KIF7: variants seen among roughly 807,000 people sequenced by gnomAD.
The protein encoded by KIF7 is kinesin-like protein KIF7.
In KIF7, 104 loss-of-function variants were observed where a neutral mutation model predicts 135.7. The observed-to-expected ratio is 0.77, with a 90% CI of 0.65 to 0.90. The LOEUF (loss-of-function observed/expected upper bound fraction) is 0.90. Among genes scored for constraint, KIF7 ranks in the 40% least tolerant of loss-of-function variants. The pLI is 0.00. For synonymous variants in KIF7, 883 were observed against 809.4 expected (o/e 1.09, Z -1.54); for missense variants, 2,005 against 1,839.1 (o/e 1.09, Z -1.65).
At chr15:89,625,599 T>C (rs2141986298), downstream of KIF7, 2 of 1,613,136 alleles carry the variant, frequency 1.2e-6, no homozygotes, top group Non-Finnish European at 8.5e-7. Flanking sequence ...AGGAAGCCTC[T>C]TCCTGGGGAC....
In KIF7 at chr15:89,649,164, C is replaced by G. The variant is rs1212811357; in HGVS notation, c.733G>C (p.Val245Leu). Reference protein sequence around the residue: ...LPRPAPGQLLVSKFHFVDLAG... With the variant: ...LPRPAPGQLLLSKFHFVDLAG... ...AGGTCCACGAAGTGGAACTTGGAGA[C>G]GAGCAGCTGGCCCGGGGCGGGGCGG... Residue 245 changes from valine (V) to leucine (L), a missense_variant, in exon 4 of 19, where the codon GTC becomes CTC. By Grantham distance (32) the Val-to-Leu change is conservative (BLOSUM62 1). Transcript: ENST00000394412. 7 of 1,548,140 alleles carry G rather than the reference C, an allele frequency of 4.5e-6. No homozygotes were observed. The highest frequency in any genetic ancestry group is 1.2e-5 in the South Asian group (1 of 84,040).
chr15:89,640,414 A>G (rs1963897214), intron 11 of KIF7, among the ~76,000 whole-genome samples: 1 of 152,214 alleles, frequency 6.6e-6, no homozygotes. Context: ...TAATGAGCCT[A>G]CAAAAAGTGT....
In KIF7 at chr15:89,642,395, A is replaced by C. The variant is rs1195634938; in HGVS notation, c.2202T>G (p.Ala734=). The C allele has an allele frequency of 6.2e-7, 1 of 1,600,790 alleles. No homozygotes were observed. Among genetic ancestry groups the C allele is most frequent in the Admixed American group, 1.7e-5 (1 of 58,834 alleles). Residue 734 remains alanine, a synonymous_variant, in exon 11 of 19, where the codon GCT becomes GCG. Transcript: ENST00000394412. ...IGELVRTGKA[A]QALNRQHSQR... Reference sequence around the variant, plus strand: ...GGCTGTGCTGGCGGTTCAGGGCCTGAGCTGCCTTTCCTGGAAGAAAGCGGG... The same window carrying C: ...GGCTGTGCTGGCGGTTCAGGGCCTGCGCTGCCTTTCCTGGAAGAAAGCGGG...
At chr15:89,622,088 C>T (rs1179014781) in intron 1 of KIF7, among the ~76,000 whole-genome samples, 1 of 146,148 alleles carries the variant, frequency 6.8e-6, no homozygotes, top group Non-Finnish European at 1.5e-5. Context: ...CCAGTTCAAG[C>T]GATTCTCCTG....
Position 89,633,011 on chromosome 15 carries a change from G to GGAGGGAGA in KIF7, c.2719-16_2719-15insTCTCCCTC, listed in dbSNP as rs1555423479. 1 of 1,489,988 alleles carries GGAGGGAGA rather than the reference G, an allele frequency of 6.7e-7. No individual in the cohort carries two copies. The highest frequency in any genetic ancestry group is 1.4e-5 in the African/African-American group (1 of 72,682). The allele number at this position is 1,489,988 out of a possible 1,614,324, so 92.3% of individuals were successfully genotyped here. On this transcript the variant is annotated splice_polypyrimidine_tract_variant and intron_variant, in intron 13 of 18. Transcript: ENST00000394412. ...TCCTCAATCTTCTAAGGAAAAGTAG[G>GGAGGGAGA]GAGGGAGGGAGGGAACTCAGGGCCC...
downstream of KIF7, chr15:89,623,868 C>T (rs562432045): frequency 2.9e-5 from 46 of 1,613,902 alleles, no homozygotes; most frequent in African/African-American, 4.9e-4. Context: ...GAGAAGGTAC[C>T]TCTCTTGAAA....
chr15:89,631,176 G>A, intron 15 of KIF7: 1 of 375,334 alleles, frequency 2.7e-6, no homozygotes, highest in Non-Finnish European at 5.0e-6. Flanking sequence ...CACTGAGTAT[G>A]CGCCTGACAC....
intron 17 of KIF7, 94 bp downstream of exon 17, chr15:89,629,281 C>A: frequency 1.5e-6 from 1 of 680,234 alleles, no homozygotes; most frequent in Non-Finnish European, 1.8e-6. Context: ...GTGGCAGGGG[C>A]GGTGGGGGGA....
At chr15:89,644,557 C>T (rs186598958) in intron 10 of KIF7, among the ~76,000 whole-genome samples, 1,630 of 151,072 alleles carry the variant, frequency 0.011, 38 homozygotes, top group African/African-American at 0.038. Context: ...TGGTGGCGGG[C>T]GCCTGTAATC....
chr15:89,648,575 G>A lies in KIF7; in HGVS notation c.1123C>T (p.Pro375Ser), dbSNP rs1300335031. ...PEETASGARGPPRHRSETRII... is the reference protein window; with the variant it reads ...PEETASGARGSPRHRSETRII... ...CGGGTCTCGGAGCGGTGCCGTGGCG[G>A]ACCCCGCGCGCCGCTCGCCGTCTCT... The change falls in exon 5 of 19, where the codon CCG (proline) becomes TCG (serine). Residue 375 changes from proline to serine, a missense_variant. Pro to Ser is a moderately conservative substitution (Grantham distance 74). Coordinates refer to ENST00000394412, the MANE Select transcript of KIF7 (RefSeq NM_198525.3). The A allele has an allele frequency of 6.7e-6, 10 of 1,494,586 alleles. No homozygotes were observed. Among genetic ancestry groups the A allele is most frequent in the Middle Eastern group, 1.8e-4 (1 of 5,420 alleles). 92.6% of individuals were successfully genotyped at this position (1,494,586 alleles called of 1,614,324 possible). A position where few individuals can be genotyped will look rare whatever the true frequency, so the allele number is the denominator to read the frequency against.
intron 16 of KIF7, chr15:89,630,066 G>C: frequency 1.7e-6 from 1 of 600,538 alleles, no homozygotes; most frequent in Non-Finnish European, 3.0e-6. Context: ...ACCACCCTGA[G>C]GTTAGCCAAT....
Position 89,649,016 on chromosome 15 carries a change from C to G in KIF7, c.881G>C (p.Arg294Pro). 3 of 1,547,624 alleles carry G rather than the reference C, an allele frequency of 1.9e-6. No homozygotes were observed. The highest frequency in any genetic ancestry group is 2.6e-6 in the Non-Finnish European group (3 of 1,146,442). ...GCGGTAGGGTATGTGGCTGCCCCGG[C>G]GCTGAGGGTCCCCCAGGGCGCTGAT... Reference protein sequence around the residue: ...NVISALGDPQRRGSHIPYRDS... With the variant: ...NVISALGDPQPRGSHIPYRDS... The change falls in exon 4 of 19, where the codon CGC becomes CCC. Residue 294 changes from arginine to proline, a missense_variant. Coordinates refer to ENST00000394412, the MANE Select transcript of KIF7 (RefSeq NM_198525.3).
At chr15:89,630,216 C>G (rs977333722) in intron 16 of KIF7, 71 bp downstream of exon 16, 2 of 1,410,440 alleles carry the variant, frequency 1.4e-6, no homozygotes, top group East Asian at 2.3e-5. Flanking sequence ...TCCGCTGGAG[C>G]AGCTGCCATG....
intron 10 of KIF7, 87 bp downstream of exon 10, chr15:89,644,926 C>T: frequency 6.4e-7 from 1 of 1,551,352 alleles, no homozygotes; most frequent in African/African-American, 1.4e-5. Context: ...CTAACCACCT[C>T]ATTGTTGAAA....
At position 89,621,966 on chromosome 15, in the gene KIF7, T is replaced by G. The variant is rs189495799; in HGVS notation, c.181-3771A>C. 1.7e-4 allele frequency among the ~76,000 whole-genome samples: 25 copies of G among 151,334 alleles called. No individual in the cohort carries two copies. In the East Asian group the frequency reaches 4.5e-3, roughly 27 times the overall value. Reference sequence around the variant, plus strand: ...CCAATCAGTCGAGTCCTGCCCATTTTATTTACAAACTGACTCTTTTTTTTT... The same window carrying G: ...CCAATCAGTCGAGTCCTGCCCATTTGATTTACAAACTGACTCTTTTTTTTT... On this transcript the variant is annotated intron_variant and NMD_transcript_variant, in intron 1 of 2. Transcript: ENST00000558928.
intron 15 of KIF7, chr15:89,630,785 A>AGCCACGGAGGC (rs2141996676): frequency 2.0e-6 from 1 of 507,150 alleles, no homozygotes; most frequent in South Asian, 2.0e-5. Context: ...TGGTTGGGAC[A>AGCCACGGAGGC]GCCACGGAGG....
downstream of KIF7, among the ~76,000 whole-genome samples, chr15:89,626,334 C>T (rs375496569): frequency 3.3e-5 from 5 of 152,364 alleles, no homozygotes; most frequent in East Asian, 5.8e-4. Context: ...TGCTGCTCAT[C>T]TGCAGTCTAA....
the KIF7 span, among the ~76,000 whole-genome samples, chr15:89,662,650 C>A: frequency 6.6e-6 from 1 of 152,178 alleles, no homozygotes; most frequent in African/African-American, 2.4e-5. Context: ...CTGAAGGACC[C>A]TGGGCAACCC....
intron 10 of KIF7, among the ~76,000 whole-genome samples, chr15:89,643,180 C>T (rs1229327466): frequency 1.3e-5 from 2 of 152,166 alleles, no homozygotes; most frequent in Non-Finnish European, 2.9e-5. Flanking sequence ...GGGTTCCACA[C>T]CCATGGGTTC....
Sources: gnomAD v4.1 joint callset for allele counts (sites outside exome capture counted in the v4.1 genomes callset) on GRCh38, gnomAD v4.1.1 for gene constraint, MANE v1.5 for transcripts, NCBI Gene and HGNC (gene_info 2026-07-23, HGNC 2026-07-21) for gene names.